The following RARB variants were observed in gnomAD, a reference collection of about 807,000 sequenced individuals.
RARB encodes retinoic acid receptor beta, also known as HBV-activated protein.
In RARB, 17 loss-of-function variants were observed where a neutral mutation model predicts 51.9. The observed-to-expected ratio is 0.33, with a 90% CI of 0.22 to 0.49. RARB has a LOEUF of 0.49. RARB is among the 20% of genes least tolerant of loss of function. RARB has a pLI of 0.99. For synonymous variants in RARB, 215 were observed against 195.4 expected, an observed-to-expected ratio of 1.10 and a Z score of -0.84; for missense variants, 369 against 550.8, an observed-to-expected ratio of 0.67 and a Z score of 3.30.
chr3:25,583,671 CCA>C (rs916402390), intron 5 of RARB, among the ~76,000 whole-genome samples: 1 of 152,180 alleles, frequency 6.6e-6, no homozygotes, highest in East Asian at 1.9e-4. Flanking sequence ...TGCTCACCTT[CCA>C]GGGGAATTTC....
At chr3:25,591,549 A>G (rs1701614890) in intron 5 of RARB, among the ~76,000 whole-genome samples, 1 of 152,244 alleles carries the variant, frequency 6.6e-6, no homozygotes, top group Admixed American at 6.5e-5. Context: ...AAATCATTCT[A>G]CTAGCTTATG....
At chr3:25,084,118 C>A (rs1339188038) in intron 3 of RARB, among the ~76,000 whole-genome samples, 1 of 152,146 alleles carries the variant, frequency 6.6e-6, no homozygotes, top group African/African-American at 2.4e-5. Context: ...AATGGGACTT[C>A]TTCCCTATTT....
chr3:25,182,067 G>A (rs565387905), intron 5 of RARB, among the ~76,000 whole-genome samples: 62 of 152,180 alleles, frequency 4.1e-4, no homozygotes, highest in Non-Finnish European at 7.5e-4. Flanking sequence ...AACTTCTTTG[G>A]AATTACATGT....
rs571684649 is a variant in RARB, at chr3:25,593,751, A to G, written c.991+44A>G. ...AGCCTCATGAAATTCCATGAAGAAC[A>G]GTTTATACTTGTAATTTGTGAAAAA... On this transcript the variant is annotated intron_variant, in intron 6 of 7. Coordinates refer to ENST00000330688, the MANE Select transcript of RARB (RefSeq NM_000965.5). 2.7e-5 allele frequency: 42 copies of G among 1,556,130 alleles called. No homozygotes were observed. In the East Asian group the frequency reaches 9.5e-4, roughly 35 times the overall value.
chr3:25,361,464 T>C (rs1705931034), intron 5 of RARB, among the ~76,000 whole-genome samples: 1 of 152,238 alleles, frequency 6.6e-6, no homozygotes, highest in African/African-American at 2.4e-5. Context: ...TTACCCACTT[T>C]CTGAAGCCTA....
At chr3:24,931,529 G>T (rs1695439964) in intron 2 of RARB, among the ~76,000 whole-genome samples, 1 of 151,956 alleles carries the variant, frequency 6.6e-6, no homozygotes, top group South Asian at 2.1e-4. Context: ...GATTCATCAA[G>T]ACCAGATTAA....
chr3:25,457,460 C>T (rs1311636068), intron 1 of RARB, among the ~76,000 whole-genome samples: 2 of 152,206 alleles, frequency 1.3e-5, no homozygotes, highest in African/African-American at 2.4e-5. Flanking sequence ...AGGGCTCTCA[C>T]TATTGATTAC....
chr3:25,378,888 A>G (rs545860639), intron 5 of RARB, among the ~76,000 whole-genome samples: 9 of 152,336 alleles, frequency 5.9e-5, no homozygotes, highest in Admixed American at 2.0e-4. Flanking sequence ...GAGGAAAAAA[A>G]CCTGCACATA....
chr3:25,070,127 C>G (rs1698739661), intron 3 of RARB, among the ~76,000 whole-genome samples: 1 of 152,170 alleles, frequency 6.6e-6, no homozygotes, highest in Admixed American at 6.5e-5. Context: ...GGCTTTGCAA[C>G]TCTATTACTC....
intron 2 of RARB, among the ~76,000 whole-genome samples, chr3:24,877,220 T>C (rs1399038556): frequency 6.6e-6 from 1 of 152,050 alleles, no homozygotes; most frequent in Non-Finnish European, 1.5e-5. Flanking sequence ...ATAGATAGTA[T>C]CTCACTTCTG....
At chr3:25,197,651 A>T (rs1340043209) in intron 5 of RARB, among the ~76,000 whole-genome samples, 1 of 152,064 alleles carries the variant, frequency 6.6e-6, no homozygotes, top group Non-Finnish European at 1.5e-5. Flanking sequence ...AATAGCAAAA[A>T]AACTTGAAAA....
chr3:25,444,957 C>CT (rs973659724), intron 1 of RARB, among the ~76,000 whole-genome samples: 136 of 150,732 alleles, frequency 9.0e-4, no homozygotes, highest in African/African-American at 3.0e-3. Context: ...TTTCTTTTTT[C>CT]TTTTTTTTTG....
chr3:25,051,630 T>A (rs1176214080), intron 2 of RARB, among the ~76,000 whole-genome samples: 1 of 152,178 alleles, frequency 6.6e-6, no homozygotes, highest in Non-Finnish European at 1.5e-5. Flanking sequence ...AAGATACTAT[T>A]ATTCATTAGG....
At chr3:25,230,358 A>G (rs893956215) in intron 5 of RARB, among the ~76,000 whole-genome samples, 3 of 152,042 alleles carry the variant, frequency 2.0e-5, no homozygotes, top group Non-Finnish European at 4.4e-5. Context: ...CCCCCATTTC[A>G]TGAAATTATA....
chr3:25,384,730 G>C (rs1706743304), intron 5 of RARB, among the ~76,000 whole-genome samples: 1 of 152,156 alleles, frequency 6.6e-6, no homozygotes, highest in South Asian at 2.1e-4. Flanking sequence ...GTGAGTTGCA[G>C]TTTATTTCAG....
At chr3:24,915,957 G>A (rs12107912) in intron 2 of RARB, among the ~76,000 whole-genome samples, 6,117 of 152,180 alleles carry the variant, frequency 0.04, 398 homozygotes, top group African/African-American at 0.14. Context: ...GAGTCAGGGA[G>A]AGAGAGGCAC....
chr3:25,048,517 T>C (rs758564092), intron 2 of RARB, among the ~76,000 whole-genome samples: 6 of 152,214 alleles, frequency 3.9e-5, no homozygotes, highest in Non-Finnish European at 8.8e-5. Flanking sequence ...TGCTTATACA[T>C]CTTCACTCAA....
chr3:25,039,856 G>A (rs1698077451), intron 2 of RARB, among the ~76,000 whole-genome samples: 1 of 152,232 alleles, frequency 6.6e-6, no homozygotes, highest in African/African-American at 2.4e-5. Flanking sequence ...CAGAAAATTA[G>A]ACGTGGCCCA....
intron 2 of RARB, among the ~76,000 whole-genome samples, chr3:24,900,207 A>G (rs915817991): frequency 1.3e-5 from 2 of 152,202 alleles, no homozygotes; most frequent in Non-Finnish European, 2.9e-5. Flanking sequence ...TAAATGGAAA[A>G]TGTCTGCAGC....
Sources: allele counts gnomAD v4.1 joint callset (sites outside exome capture counted in the v4.1 genomes callset), GRCh38; gene constraint gnomAD v4.1.1; transcripts MANE v1.5; gene names NCBI Gene and HGNC (gene_info 2026-07-23, HGNC 2026-07-21).